RELA: variants seen among roughly 807,000 people sequenced by gnomAD.
RELA encodes RELA proto-oncogene, NF-kB subunit, also known as transcription factor p65.
Under a neutral mutation model 56.7 loss-of-function variants are expected in RELA, and 14 were observed. The observed-to-expected ratio is 0.25, with a 90% CI of 0.16 to 0.39. RELA has a LOEUF of 0.39. Among genes scored for constraint, RELA ranks in the 10% least tolerant of loss-of-function variants. RELA has a pLI of 1.00. For synonymous variants in RELA, 315 were observed against 289.7 expected, an observed-to-expected ratio of 1.09 and a Z score of -0.89; for missense variants, 559 against 736.4, an observed-to-expected ratio of 0.76 and a Z score of 2.79.
intron 10 of RELA, chr11:65,655,262 GAT>G (rs1192445680): frequency 3.5e-6 from 2 of 574,238 alleles, no homozygotes; most frequent in East Asian, 5.9e-5. Context: ...CACTTGGAGA[GAT>G]AAGCTGGACT....
intron 8 of RELA, among the ~76,000 whole-genome samples, chr11:65,656,540 C>T (rs1856433748): frequency 6.6e-6 from 1 of 152,176 alleles, no homozygotes; most frequent in African/African-American, 2.4e-5. Flanking sequence ...AAGCTAGAAA[C>T]CTTGGAATGA....
chr11:65,655,130 T>C, intron 10 of RELA, 130 bp from the exon 11 acceptor site: 1 of 732,954 alleles, frequency 1.4e-6, no homozygotes, highest in Non-Finnish European at 2.3e-6. Context: ...CAACACCCTA[T>C]CTCCTTCCTC....
chr11:65,656,099 G>A (rs1310159273), intron 8 of RELA, 164 bp from the exon 9 acceptor site: 6 of 698,094 alleles, frequency 8.6e-6, no homozygotes, highest in Non-Finnish European at 1.6e-5. Flanking sequence ...GCAGTTCTGA[G>A]AATCCCACAG....
chr11:65,658,368 C>G lies in RELA; in HGVS notation c.796G>C (p.Val266Leu), dbSNP rs758298850. 5 of 1,613,766 alleles carry G rather than the reference C, an allele frequency of 3.1e-6. No homozygotes were observed. The East Asian group carries it at 8.9e-5, about 29-fold the overall frequency. The change falls in exon 8 of 11, where the codon GTG (valine) becomes CTG (leucine). Residue 266 changes from valine (V) to leucine (L), a missense_variant. Transcript: ENST00000406246. The surrounding 1 kb of genome is among the most constrained non-coding windows in gnomAD (Gnocchi z 4.5). ...PYADPSLQAP[V>L]RVSMQLRRPS... ...CGCCGCAGCTGCATGGAGACACGCA[C>G]AGGAGCCTGCAGGCTGGGGTCTGCG... is the stretch of plus-strand genomic sequence containing the variant.
At chr11:65,655,113 T>C in intron 10 of RELA, 113 bp from the exon 11 acceptor site, 1 of 849,052 alleles carries the variant, frequency 1.2e-6, no homozygotes, top group Non-Finnish European at 1.9e-6. Context: ...CTCTAGGGAG[T>C]CACTGCCAAC....
chr11:65,659,891 G>A (rs561607289), intron 5 of RELA, 94 bp from the exon 6 acceptor site: 4 of 1,462,216 alleles, frequency 2.7e-6, no homozygotes, highest in South Asian at 1.3e-5. Flanking sequence ...AGGGCCGCTG[G>A]TGCGTGTGTG....
intron 1 of RELA, 107 bp from the exon 2 acceptor site, chr11:65,662,312 T>G (rs924270342): frequency 1.5e-6 from 2 of 1,346,564 alleles, no homozygotes; most frequent in African/African-American, 3.0e-5. Context: ...CCAGGGGAAC[T>G]GAGTCAGGAC....
rs944368458 is a variant in RELA at position 65,654,224 on chromosome 11, GAC to G, written c.*152_*153del. On this transcript the variant is annotated 3_prime_UTR_variant, in exon 11 of 11. Transcript: ENST00000406246. ...AAAAAGAGAGAGAGATACAGATACT[GAC>G]AATAAAAGAATAAAATATGGCTCCC... is the stretch of plus-strand genomic sequence containing the variant. The G allele has an allele frequency of 5.5e-6, 5 of 902,846 alleles. No individual in the cohort carries two copies. In the African/African-American group the frequency reaches 8.3e-5, roughly 15 times the overall value. The allele number at this position is 902,846 out of a possible 1,614,324, so 55.9% of individuals were successfully genotyped here. A position where few individuals can be genotyped will look rare whatever the true frequency, so the allele number is the denominator to read the frequency against.
chr11:65,661,430 G>C, intron 4 of RELA: 2 of 400,426 alleles, frequency 5.0e-6, no homozygotes, highest in Non-Finnish European at 8.9e-6. Flanking sequence ...TGACTCTGAG[G>C]GACTTGTCCT....
rs2135547140 is a variant in RELA at position 65,654,190 on chromosome 11, A to G, written c.*188T>C. The G allele has an allele frequency of 2.5e-6, 2 of 786,958 alleles. No homozygotes were observed. Among genetic ancestry groups the G allele is most frequent in the Non-Finnish European group, 2.2e-6 (1 of 461,238 alleles). 48.7% of individuals were successfully genotyped at this position (786,958 alleles called of 1,614,324 possible). ...CCAGAGAAGTTAATGCTTCTGCTTA[A>G]GCACCTCCAAAAAGAGAGAGAGATA... On this transcript the variant is annotated 3_prime_UTR_variant, in exon 11 of 11. Coordinates refer to ENST00000406246, the MANE Select transcript of RELA (RefSeq NM_021975.4).
chr11:65,663,440 G>T (rs1046649555), upstream of RELA, among the ~76,000 whole-genome samples: 19 of 152,150 alleles, frequency 1.2e-4, no homozygotes, highest in Admixed American at 2.6e-4. Flanking sequence ...CGGCTGTGGG[G>T]GAATGGGAGC....
At chr11:65,657,973 C>T (rs1015829606) in intron 8 of RELA, among the ~76,000 whole-genome samples, 1 of 152,202 alleles carries the variant, frequency 6.6e-6, no homozygotes, top group African/African-American at 2.4e-5. Context: ...CCAACGCTGA[C>T]TCTGCTAGAC....
Position 65,658,909 on chromosome 11 carries a change from CCA to C in RELA, c.560-89_560-88del, listed in dbSNP as rs1434478971. On this transcript the variant is annotated intron_variant, in intron 6 of 10. Transcript: ENST00000406246. The surrounding 1 kb of genome is among the most constrained non-coding windows in gnomAD (Gnocchi z 4.5). ...AGGAGATGCAACTTCCCTGCCCAGC[CCA>C]GAGTCAAGGTTGCCCAGAGCTTGCC... 4.5e-6 allele frequency: 5 copies of C among 1,120,642 alleles called. No homozygotes were observed. In the Admixed American group the frequency reaches 5.2e-5, roughly 12 times the overall value. 69.4% of individuals were successfully genotyped at this position (1,120,642 alleles called of 1,614,324 possible).
At chr11:65,660,060 G>A in intron 5 of RELA, 64 bp downstream of exon 5, 1 of 1,487,824 alleles carries the variant, frequency 6.7e-7, no homozygotes, top group Non-Finnish European at 9.4e-7. Context: ...TGAGGGAGAT[G>A]CAGGAAAGGC....
At chr11:65,661,648 T>A in intron 4 of RELA, 39 bp downstream of exon 4, 1 of 1,530,064 alleles carries the variant, frequency 6.5e-7, no homozygotes, top group Non-Finnish European at 8.8e-7. Flanking sequence ...CCGCCTCCTG[T>A]CCCCTCATGC....
At position 65,658,508 on chromosome 11, in the gene RELA, G is replaced by A. The variant is rs1411601666; in HGVS notation, c.665-9C>T. 6.9e-6 allele frequency: 11 copies of A among 1,592,628 alleles called. No homozygotes were observed. The highest frequency in any genetic ancestry group is 9.4e-6 in the Non-Finnish European group (11 of 1,164,758). ...ATACACCTCAATGTCCTCTGCAGGA[G>A]ATGCGGTGGCAGTGTGGGTCAGTGT... On this transcript the variant is annotated splice_polypyrimidine_tract_variant and intron_variant, in intron 7 of 10. Coordinates refer to ENST00000406246, the MANE Select transcript of RELA (RefSeq NM_021975.4). This position sits in a 1 kb window ranked among gnomAD's most constrained non-coding sequence, Gnocchi z 4.5.
Position 65,660,180 on chromosome 11 carries a change from C to A in RELA, c.371G>T (p.Arg124Leu). Residue 124 changes from arginine (R) to leucine (L), a missense_variant, in exon 5 of 11, where the codon CGG becomes CTG. Transcript: ENST00000406246. ...QNLGIQCVKK[R>L]DLEQAISQRI... ...CTGACTGATAGCCTGCTCCAGGTCC[C>A]GCTTCTTCACACACTGGATTCCCAG... is the stretch of plus-strand genomic sequence containing the variant. 1 of 1,614,144 alleles carries A rather than the reference C, an allele frequency of 6.2e-7. No homozygotes were observed.
chr11:65,655,195 G>C (rs1856391932), intron 10 of RELA, 195 bp from the exon 11 acceptor site: 2 of 601,088 alleles, frequency 3.3e-6, no homozygotes, highest in Non-Finnish European at 5.9e-6. Flanking sequence ...CTCCACCTTG[G>C]AGTCCTCCCT....
Position 65,658,827 on chromosome 11 carries a change from G to A in RELA, c.560-5C>T, listed in dbSNP as rs748703276. The A allele has an allele frequency of 1.2e-6, 2 of 1,613,578 alleles. No individual in the cohort carries two copies. The highest frequency in any genetic ancestry group is 2.7e-5 in the African/African-American group (2 of 74,848). On this transcript the variant is annotated splice_region_variant and splice_polypyrimidine_tract_variant and intron_variant, in intron 6 of 10. Transcript: ENST00000406246. The surrounding 1 kb of genome is among the most constrained non-coding windows in gnomAD (Gnocchi z 4.5). The stretch of plus-strand genomic sequence containing the variant: ...GCTCGGCAGTGTTGGGGGCACCTGA[G>A]GCAGTGAAAACAAGGGAGGATGACC...
Sources: gnomAD v4.1 joint callset for allele counts (sites outside exome capture counted in the v4.1 genomes callset) on GRCh38, gnomAD v4.1.1 for gene constraint, Gnocchi (gnomAD v3.1) non-coding constraint, MANE v1.5 for transcripts, NCBI Gene and HGNC (gene_info 2026-07-23, HGNC 2026-07-21) for gene names.